Variants in ABCC12 observed in about 807,000 individuals in gnomAD.
The protein encoded by ABCC12 is ATP binding cassette subfamily C member 12, also known as ATP-binding cassette sub-family C member 12.
In ABCC12, 142 loss-of-function variants were observed where a neutral mutation model predicts 151.1. The observed-to-expected ratio is 0.94, with a 90% CI of 0.82 to 1.08. ABCC12 has a LOEUF of 1.08. ABCC12 is among the 50% of genes least tolerant of loss of function. The pLI is 0.00. For synonymous variants in ABCC12, 645 were observed against 646.4 expected, an observed-to-expected ratio of 1.00 and a Z score of 0.03; for missense variants, 1,638 against 1,691.1, an observed-to-expected ratio of 0.97 and a Z score of 0.55.
At chr16:48,090,512 G>A (rs530056437) in intron 25 of ABCC12, among the ~76,000 whole-genome samples, 23 of 149,064 alleles carry the variant, frequency 1.5e-4, no homozygotes, top group African/African-American at 5.2e-4. Flanking sequence ...CAAAAGTGTT[G>A]AGATTACAGG....
At chr16:48,097,229 A>G (rs1597304430) in intron 23 of ABCC12, among the ~76,000 whole-genome samples, 1 of 151,752 alleles carries the variant, frequency 6.6e-6, no homozygotes, top group Non-Finnish European at 1.5e-5. Context: ...AGAGGTGCCG[A>G]GTGCTTCACA....
intron 23 of ABCC12, among the ~76,000 whole-genome samples, chr16:48,097,763 G>C (rs1490162752): frequency 6.6e-6 from 1 of 152,194 alleles, no homozygotes; most frequent in Admixed American, 6.5e-5. Flanking sequence ...CATCAGAGGA[G>C]TGCAGTGTGA....
At chr16:48,105,402 C>T (rs1040999916) in intron 20 of ABCC12, 66 bp from the exon 21 acceptor site, 46 of 1,472,944 alleles carry the variant, frequency 3.1e-5, no homozygotes, top group Non-Finnish European at 3.8e-5. Context: ...AGGAATTTTC[C>T]GGAGAATCTT....
chr16:48,127,428 C>A (rs1964276560), intron 11 of ABCC12, among the ~76,000 whole-genome samples: 1 of 152,170 alleles, frequency 6.6e-6, no homozygotes, highest in South Asian at 2.1e-4. Flanking sequence ...GAGAGAACAA[C>A]AAACAGACTC....
At chr16:48,135,767 C>T (rs1053591700) in intron 8 of ABCC12, among the ~76,000 whole-genome samples, 4 of 152,142 alleles carry the variant, frequency 2.6e-5, no homozygotes, top group African/African-American at 9.7e-5. Context: ...TGCCTGGTGT[C>T]CCAAGAATAG....
At chr16:48,098,361 G>A (rs1186078514) in intron 23 of ABCC12, among the ~76,000 whole-genome samples, 1 of 152,124 alleles carries the variant, frequency 6.6e-6, no homozygotes, top group Non-Finnish European at 1.5e-5. Flanking sequence ...AAAGCCCTAA[G>A]GAGGTACAAT....
rs750214442 is a variant in ABCC12, at chr16:48,115,435, G to A, written c.1969C>T (p.Leu657=). 6.2e-7 allele frequency: 1 copy of A among 1,614,028 alleles called. No homozygotes were observed. The highest frequency in any genetic ancestry group is 8.5e-7 in the Non-Finnish European group (1 of 1,179,912). ...KKTLRGKTVV[L]VTHQLQFLES... ...ATCACCTGTAGCTGGTGGGTCACCA[G>A]GACGACTGTCTTTCCCCTGAGCGTC... is the stretch of plus-strand genomic sequence containing the variant. The change falls in exon 15 of 31, where the codon CTG becomes TTG. Residue 657 remains leucine, a synonymous_variant. Transcript: ENST00000311303.
chr16:48,091,324 A>G (rs1962885127), intron 24 of ABCC12, 115 bp from the exon 25 acceptor site: 8 of 893,366 alleles, frequency 9.0e-6, no homozygotes, highest in African/African-American at 4.9e-5. Flanking sequence ...AGCGCAAGAC[A>G]GCACAAACAG....
At chr16:48,114,966 T>C (rs770556512) in intron 15 of ABCC12, among the ~76,000 whole-genome samples, 1 of 152,154 alleles carries the variant, frequency 6.6e-6, no homozygotes, top group Non-Finnish European at 1.5e-5. Context: ...TGGGGTGTGA[T>C]ACCTGGGGCA....
chr16:48,086,635 C>A, intron 28 of ABCC12, 106 bp downstream of exon 28: 1 of 946,240 alleles, frequency 1.1e-6, no homozygotes. Flanking sequence ...ACAAATAAAC[C>A]TGGCTAAGTG....
Position 48,146,380 on chromosome 16 carries a change from T to A in ABCC12, c.45A>T (p.Arg15=). The change falls in exon 3 of 31, where the codon CGA becomes CGT. Residue 15 remains arginine, a synonymous_variant. Coordinates refer to ENST00000311303, the MANE Select transcript of ABCC12 (RefSeq NM_001393797.1). ...GPYLISDLDQ[R]GRRRSFAERY... is the part of the protein sequence containing the mutation. ...TTTCTGCAAAGGATCTCCGCCGGCC[T>A]CGCTGGTCCAGATCTGAGATAAGGT... 2 of 1,614,192 alleles carry A rather than the reference T, an allele frequency of 1.2e-6. No homozygotes were observed. The highest frequency in any genetic ancestry group is 1.7e-6 in the Non-Finnish European group (2 of 1,180,024).
rs780494810 is a variant in ABCC12, at chr16:48,143,892, C to G, written c.275+18G>C. On this transcript the variant is annotated intron_variant, in intron 4 of 30. Coordinates refer to ENST00000311303, the MANE Select transcript of ABCC12 (RefSeq NM_001393797.1). ...TATGAAAATGGACTAATACAGTGAC[C>G]CAAGCAAATCCTGGTACCTTTTGGC... 6.8e-6 allele frequency: 11 copies of G among 1,608,896 alleles called. No homozygotes were observed. The highest frequency in any genetic ancestry group is 1.7e-5 in the Admixed American group (1 of 59,562).
Position 48,153,892 on chromosome 16 carries a change from G to GA in ABCC12, c.-319-9dup, listed in dbSNP as rs1567460687. 1 of 152,202 alleles carries GA rather than the reference G, an allele frequency of 6.6e-6. No individual in the cohort carries two copies. The highest frequency in any genetic ancestry group is 1.5e-5 in the Non-Finnish European group (1 of 68,032). 9.4% of individuals were successfully genotyped at this position (152,202 alleles called of 1,614,324 possible). A position where few individuals can be genotyped will look rare whatever the true frequency, so the allele number is the denominator to read the frequency against. On this transcript the variant is annotated splice_polypyrimidine_tract_variant and intron_variant, in intron 1 of 30. Coordinates refer to ENST00000311303, the MANE Select transcript of ABCC12 (RefSeq NM_001393797.1). ...TTGCTAAATTTGGCAGCCCTGGGGGGAAAAATGAGACTTTTTTTAAAATCA... is the reference window on the plus strand; with the variant it reads ...TTGCTAAATTTGGCAGCCCTGGGGGGAAAAAATGAGACTTTTTTTAAAATCA...
intron 8 of ABCC12, among the ~76,000 whole-genome samples, chr16:48,135,716 T>C (rs1260936259): frequency 6.6e-6 from 1 of 152,194 alleles, no homozygotes; most frequent in Non-Finnish European, 1.5e-5. Context: ...TACTATACTG[T>C]ATGGGGAGAA....
intron 9 of ABCC12, among the ~76,000 whole-genome samples, chr16:48,131,987 CAT>C (rs1309231405): frequency 3.2e-4 from 48 of 152,160 alleles, no homozygotes; most frequent in Non-Finnish European, 3.5e-4. Context: ...CAACTCCTGA[CAT>C]GACCCTAGCA....
At chr16:48,135,510 A>C (rs1214978028) in intron 8 of ABCC12, among the ~76,000 whole-genome samples, 1 of 152,042 alleles carries the variant, frequency 6.6e-6, no homozygotes, top group Non-Finnish European at 1.5e-5. Flanking sequence ...CCTCCTGAGT[A>C]CCTGAGACCA....
rs928286558 is a variant in ABCC12, at chr16:48,080,903, T to G, written c.*2812A>C. 6.6e-6 allele frequency among the ~76,000 whole-genome samples: 1 copy of G among 152,168 alleles called. No homozygotes were observed. Among genetic ancestry groups the G allele is most frequent in the South Asian group, 2.1e-4 (1 of 4,826 alleles). Reference sequence around the variant, plus strand: ...TGAGTAATTTATAAACAACAGAAATTTATTGCTCACAGTTCTGGACGCTGG... The same window carrying G: ...TGAGTAATTTATAAACAACAGAAATGTATTGCTCACAGTTCTGGACGCTGG... On this transcript the variant is annotated 3_prime_UTR_variant, in exon 31 of 31. Transcript: ENST00000311303.
intron 19 of ABCC12, among the ~76,000 whole-genome samples, chr16:48,107,831 G>A (rs547748846): frequency 2.6e-5 from 4 of 152,160 alleles, no homozygotes; most frequent in South Asian, 2.1e-4. Context: ...GTGAAACCTC[G>A]TCTCTACTAA....
Position 48,105,441 on chromosome 16 carries a change from CAT to C in ABCC12, c.2476-107_2476-106del, listed in dbSNP as rs1290250012. 4 of 1,182,224 alleles carry C rather than the reference CAT, an allele frequency of 3.4e-6. No homozygotes were observed. The African/African-American group carries it at 4.5e-5, about 13-fold the overall frequency. The allele number at this position is 1,182,224 out of a possible 1,614,324, so 73.2% of individuals were successfully genotyped here. Reference sequence around the variant, plus strand: ...AGAGAGAAGAAACTAAGAAGAAGCACATGAGTGTTTTGAATGAGTCAGGTGGA... The same window carrying C: ...AGAGAGAAGAAACTAAGAAGAAGCACGAGTGTTTTGAATGAGTCAGGTGGA... On this transcript the variant is annotated intron_variant, in intron 20 of 30. Transcript: ENST00000311303.
Sources: gnomAD v4.1 joint callset for allele counts (sites outside exome capture counted in the v4.1 genomes callset) on GRCh38, gnomAD v4.1.1 for gene constraint, MANE v1.5 for transcripts, NCBI Gene and HGNC (gene_info 2026-07-23, HGNC 2026-07-21) for gene names.